LSAMP: variants seen among roughly 807,000 people sequenced by gnomAD.
LSAMP encodes limbic system-associated membrane protein.
LSAMP carries 7 observed loss-of-function variants against 38.6 expected under a neutral mutation model. That is an observed-to-expected ratio of 0.18 (90% CI 0.10 to 0.34). The LOEUF (loss-of-function observed/expected upper bound fraction) is 0.34. LSAMP is among the 10% of genes least tolerant of loss of function. The pLI is 1.00. For synonymous variants in LSAMP, 154 were observed against 166.8 expected, an observed-to-expected ratio of 0.92 and a Z score of 0.59; for missense variants, 313 against 420.0, an observed-to-expected ratio of 0.75 and a Z score of 2.23.
At chr3:116,394,923 T>C (rs908608129) in intron 1 of LSAMP, among the ~76,000 whole-genome samples, 7 of 152,212 alleles carry the variant, frequency 4.6e-5, no homozygotes, top group African/African-American at 1.4e-4. Context: ...GACGATGATT[T>C]AGCAAAGAGA....
intron 1 of LSAMP, among the ~76,000 whole-genome samples, chr3:116,162,237 A>C (rs1413855108): frequency 6.6e-6 from 1 of 152,170 alleles, no homozygotes; most frequent in Non-Finnish European, 1.5e-5. Context: ...AATTGTTTTT[A>C]GAAATTCTAT....
intron 1 of LSAMP, among the ~76,000 whole-genome samples, chr3:116,151,591 A>G (rs1243243305): frequency 6.6e-6 from 1 of 152,032 alleles, no homozygotes; most frequent in Non-Finnish European, 1.5e-5. Context: ...TCTTCCCTCA[A>G]GTCGCTAAGA....
At chr3:116,153,306 C>T (rs1046959870) in intron 1 of LSAMP, among the ~76,000 whole-genome samples, 5 of 152,090 alleles carry the variant, frequency 3.3e-5, no homozygotes, top group Admixed American at 6.6e-5. Context: ...ACTACACCTA[C>T]GTGACATCCA....
chr3:116,442,031 T>C (rs1406281585), intron 1 of LSAMP, among the ~76,000 whole-genome samples: 2 of 152,204 alleles, frequency 1.3e-5, no homozygotes, highest in Non-Finnish European at 1.5e-5. Context: ...CCTCCAATTT[T>C]GTCACCATAA....
At chr3:116,414,148 T>C (rs1004508702) in intron 1 of LSAMP, among the ~76,000 whole-genome samples, 7 of 152,106 alleles carry the variant, frequency 4.6e-5, no homozygotes, top group African/African-American at 7.2e-5. Flanking sequence ...AACTTTCATT[T>C]TGGGGAATTT....
rs116018387 is a variant in LSAMP, at chr3:116,329,907, A to G, written c.155+114970T>C. 5.0e-3 allele frequency among the ~76,000 whole-genome samples: 755 copies of G among 152,282 alleles called. 6 individuals carry two copies. The highest frequency in any genetic ancestry group is 0.017 in the African/African-American group (714 of 41,566). On this transcript the variant is annotated intron_variant, in intron 1 of 6. Coordinates refer to ENST00000490035, the MANE Select transcript of LSAMP (RefSeq NM_002338.5). ...TTTAAAAAAAATACTGATAACTTAC[A>G]TTAAATTAAATTAACGTTTAATGTG...
intron 1 of LSAMP, among the ~76,000 whole-genome samples, chr3:116,311,815 CA>C (rs2047561638): frequency 6.6e-6 from 1 of 152,182 alleles, no homozygotes; most frequent in African/African-American, 2.4e-5. Context: ...GTAGTATTAA[CA>C]GTACCAGCAG....
At chr3:115,891,184 C>T (rs1936590154) in intron 3 of LSAMP, among the ~76,000 whole-genome samples, 1 of 151,912 alleles carries the variant, frequency 6.6e-6, no homozygotes, top group Non-Finnish European at 1.5e-5. Context: ...TCAGGAACAG[C>T]CCCAGTCTTC....
At chr3:116,352,341 T>G (rs1302874421) in intron 1 of LSAMP, among the ~76,000 whole-genome samples, 2 of 152,036 alleles carry the variant, frequency 1.3e-5, no homozygotes, top group African/African-American at 4.8e-5. Context: ...TGAGATAGAT[T>G]CAGAGCATGG....
Position 116,117,788 on chromosome 3 carries a change from A to C in LSAMP, c.156-31232T>G, listed in dbSNP as rs1393296243. On this transcript the variant is annotated intron_variant, in intron 1 of 6. Coordinates refer to ENST00000490035, the MANE Select transcript of LSAMP (RefSeq NM_002338.5). ...AACCACAGAGGTAAAGTGTCATTTT[A>C]ATTATTTCTATTAAGAAGGGTATAT... Among the ~76,000 whole-genome samples the C allele has an allele frequency of 2.0e-5, 3 of 152,050 alleles. No homozygotes were observed. The East Asian group carries it at 5.8e-4, about 29-fold the overall frequency.
chr3:116,258,894 C>T (rs928285165), intron 1 of LSAMP, among the ~76,000 whole-genome samples: 31 of 152,042 alleles, frequency 2.0e-4, no homozygotes, highest in South Asian at 2.1e-4. Context: ...AAAAGGTTTA[C>T]GTGTAACACT....
intron 3 of LSAMP, among the ~76,000 whole-genome samples, chr3:115,978,700 A>G (rs1939263605): frequency 6.6e-6 from 1 of 152,146 alleles, no homozygotes; most frequent in African/African-American, 2.4e-5. Context: ...AATGAAAAAA[A>G]AAAAGTTAAG....
At chr3:115,874,918 A>G (rs1171558177) in intron 3 of LSAMP, among the ~76,000 whole-genome samples, 1 of 152,130 alleles carries the variant, frequency 6.6e-6, no homozygotes, top group African/African-American at 2.4e-5. Context: ...TTAAAAAAAA[A>G]AAGAGAATGA....
At chr3:115,872,575 G>A (rs1936072892) in intron 3 of LSAMP, among the ~76,000 whole-genome samples, 1 of 152,068 alleles carries the variant, frequency 6.6e-6, no homozygotes, top group African/African-American at 2.4e-5. Flanking sequence ...AAAAAGAATT[G>A]AGCCTCCCGA....
At chr3:115,958,066 C>T (rs1938507590) in intron 3 of LSAMP, among the ~76,000 whole-genome samples, 1 of 152,026 alleles carries the variant, frequency 6.6e-6, no homozygotes. Flanking sequence ...GATGAGCATA[C>T]TTACATTAAA....
intron 6 of LSAMP, among the ~76,000 whole-genome samples, chr3:115,816,431 G>A (rs1934020369): frequency 6.6e-6 from 1 of 152,160 alleles, no homozygotes; most frequent in South Asian, 2.1e-4. Flanking sequence ...TAAGGGTCAT[G>A]GGTTTGATCA....
intron 2 of LSAMP, among the ~76,000 whole-genome samples, chr3:116,042,946 C>G (rs1310423514): frequency 6.6e-6 from 1 of 152,144 alleles, no homozygotes. Context: ...ATCGCTCAAT[C>G]TATCCCTGAT....
chr3:115,859,381 A>T (rs138657477), intron 3 of LSAMP, among the ~76,000 whole-genome samples: 2 of 152,306 alleles, frequency 1.3e-5, no homozygotes, highest in African/African-American at 4.8e-5. Flanking sequence ...AAAAACGGAG[A>T]GATGTGATAT....
At chr3:116,182,952 G>T (rs1396629208) in intron 1 of LSAMP, among the ~76,000 whole-genome samples, 1 of 151,838 alleles carries the variant, frequency 6.6e-6, no homozygotes, top group African/African-American at 2.4e-5. Context: ...ATGGGGTGGA[G>T]TTGAAGCTTA....
Sources: allele counts gnomAD v4.1 joint callset (sites outside exome capture counted in the v4.1 genomes callset), GRCh38; gene constraint gnomAD v4.1.1; transcripts MANE v1.5; gene names NCBI Gene and HGNC (gene_info 2026-07-23, HGNC 2026-07-21).